Variants in OPCML observed in about 807,000 individuals in gnomAD.
OPCML encodes opioid-binding protein/cell adhesion molecule.
In OPCML, 13 loss-of-function variants were observed where a neutral mutation model predicts 37.8. The observed-to-expected ratio is 0.34, with a 90% CI of 0.22 to 0.55. The LOEUF (loss-of-function observed/expected upper bound fraction) is 0.55. OPCML is among the 20% of genes least tolerant of loss of function. The pLI is 0.91. For missense variants in OPCML, 341 were observed against 435.6 expected (o/e 0.78, Z 1.93); for synonymous variants, 176 against 168.8 (o/e 1.04, Z -0.33).
intron 4 of OPCML, among the ~76,000 whole-genome samples, chr11:132,465,950 C>T (rs750968504): frequency 1.2e-4 from 19 of 152,176 alleles, no homozygotes; most frequent in Non-Finnish European, 2.1e-4. Flanking sequence ...CTAATTGACA[C>T]GTATTCAGCT....
intron 1 of OPCML, among the ~76,000 whole-genome samples, chr11:133,239,499 G>A (rs1435696732): frequency 6.6e-6 from 1 of 152,226 alleles, no homozygotes; most frequent in African/African-American, 2.4e-5. Flanking sequence ...TGTGCTCCCT[G>A]CAGCCAGGGC....
intron 2 of OPCML, among the ~76,000 whole-genome samples, chr11:132,919,154 G>A (rs1944703913): frequency 6.6e-6 from 1 of 152,148 alleles, no homozygotes; most frequent in Non-Finnish European, 1.5e-5. Flanking sequence ...ACAAGGTTTT[G>A]GTCCTTGAAA....
intron 1 of OPCML, among the ~76,000 whole-genome samples, chr11:133,531,780 CAGAG>C (rs148645624): frequency 1.4e-5 from 2 of 147,682 alleles, no homozygotes; most frequent in African/African-American, 5.0e-5. Flanking sequence ...AGAAAAGAAA[CAGAG>C]AGAGAGACAG....
chr11:132,423,031 A>G, intron 7 of OPCML, among the ~76,000 whole-genome samples: 1 of 152,200 alleles, frequency 6.6e-6, no homozygotes, highest in East Asian at 1.9e-4. Flanking sequence ...CTGAGTTATT[A>G]CATGAATGGA....
chr11:133,039,998 C>T (rs1187256794), intron 1 of OPCML, among the ~76,000 whole-genome samples: 2 of 151,658 alleles, frequency 1.3e-5, no homozygotes, highest in South Asian at 2.1e-4. Context: ...CACTGCACTA[C>T]AGCCTGAGTG....
At chr11:132,509,571 C>A (rs1218272897) in intron 4 of OPCML, among the ~76,000 whole-genome samples, 2 of 152,172 alleles carry the variant, frequency 1.3e-5, no homozygotes, top group Non-Finnish European at 2.9e-5. Context: ...GACTTGGTGC[C>A]CTGTGTCGCA....
chr11:133,264,210 C>T (rs1941581600), intron 1 of OPCML, among the ~76,000 whole-genome samples: 1 of 152,036 alleles, frequency 6.6e-6, no homozygotes, highest in African/African-American at 2.4e-5. Context: ...CAAGTTAATA[C>T]CTGAAGGAAA....
At chr11:132,934,641 C>G (rs1240109377) in intron 2 of OPCML, among the ~76,000 whole-genome samples, 1 of 152,162 alleles carries the variant, frequency 6.6e-6, no homozygotes, top group Non-Finnish European at 1.5e-5. Flanking sequence ...CTGTTTTTCT[C>G]ACAGGTACAC....
intron 1 of OPCML, among the ~76,000 whole-genome samples, chr11:133,442,143 C>A (rs1946377383): frequency 6.6e-6 from 1 of 152,142 alleles, no homozygotes; most frequent in African/African-American, 2.4e-5. Context: ...AAATAACTTG[C>A]CCACAGATAC....
At chr11:132,512,789 A>T (rs904168752) in intron 4 of OPCML, among the ~76,000 whole-genome samples, 1 of 151,906 alleles carries the variant, frequency 6.6e-6, no homozygotes, top group Non-Finnish European at 1.5e-5. Context: ...AAAGTCTAAT[A>T]TATAACAGCA....
At chr11:133,264,187 G>T (rs1468437474) in intron 1 of OPCML, among the ~76,000 whole-genome samples, 2 of 152,174 alleles carry the variant, frequency 1.3e-5, no homozygotes, top group Non-Finnish European at 2.9e-5. Flanking sequence ...AAGAATAAAG[G>T]CAAGGACCAA....
At chr11:132,481,598 C>G (rs1390034796) in intron 4 of OPCML, among the ~76,000 whole-genome samples, 2 of 151,368 alleles carry the variant, frequency 1.3e-5, no homozygotes, top group Non-Finnish European at 2.9e-5. Flanking sequence ...CTCTCCACCC[C>G]AAATCAACAG....
intron 1 of OPCML, among the ~76,000 whole-genome samples, chr11:133,518,238 C>T (rs1433262865): frequency 7.0e-6 from 1 of 143,706 alleles, no homozygotes. Flanking sequence ...TGTGTTTGTG[C>T]TCATATGGGT....
chr11:133,245,342 T>G (rs1362068631), intron 1 of OPCML, among the ~76,000 whole-genome samples: 1 of 152,234 alleles, frequency 6.6e-6, no homozygotes, highest in African/African-American at 2.4e-5. Context: ...TAGGAACTTT[T>G]AGACACAGCA....
chr11:133,207,284 A>C (rs1273593301), intron 1 of OPCML, among the ~76,000 whole-genome samples: 1 of 152,108 alleles, frequency 6.6e-6, no homozygotes, highest in Admixed American at 6.6e-5. Flanking sequence ...TGGGCGACAG[A>C]GTGAGACTCC....
At chr11:132,478,493 C>G (rs376411125) in intron 4 of OPCML, among the ~76,000 whole-genome samples, 3 of 152,090 alleles carry the variant, frequency 2.0e-5, no homozygotes, top group Non-Finnish European at 2.9e-5. Flanking sequence ...CATGAGCCCC[C>G]CAAAGAGTCA....
chr11:132,606,435 G>A (rs1938300902), intron 3 of OPCML, among the ~76,000 whole-genome samples: 1 of 152,100 alleles, frequency 6.6e-6, no homozygotes, highest in Admixed American at 6.6e-5. Context: ...TGATTCCCCT[G>A]CATTTGTCAG....
At chr11:133,125,709 G>A (rs55760536) in intron 1 of OPCML, among the ~76,000 whole-genome samples, 7,954 of 30,198 alleles carry the variant, frequency 0.26, 547 homozygotes, top group Middle Eastern at 0.35. Context: ...TATATATAGT[G>A]TATATATATG....
chr11:132,595,702 G>C (rs1210240698), intron 3 of OPCML, among the ~76,000 whole-genome samples: 3 of 152,170 alleles, frequency 2.0e-5, no homozygotes, highest in Non-Finnish European at 4.4e-5. Context: ...ACATTTAAAG[G>C]TCTTGGAGGA....
Sources: allele counts gnomAD v4.1 joint callset (sites outside exome capture counted in the v4.1 genomes callset), GRCh38; gene constraint gnomAD v4.1.1; transcripts MANE v1.5; gene names NCBI Gene and HGNC (gene_info 2026-07-23, HGNC 2026-07-21).